Variants in PHF8 observed in about 807,000 individuals in gnomAD.
PHF8 encodes the protein PHD finger protein 8.
Under a neutral mutation model 74.4 loss-of-function variants are expected in PHF8, and 9 were observed. The observed-to-expected ratio is 0.12, with a 90% confidence interval of 0.07 to 0.21. PHF8 has a LOEUF of 0.21. Among genes scored for constraint, PHF8 ranks in the 10% least tolerant of loss-of-function variants. PHF8 has a pLI of 1.00. For synonymous variants in PHF8, 311 were observed against 316.6 expected, an observed-to-expected ratio of 0.98 and a Z score of 0.19; for missense variants, 478 against 816.6, an observed-to-expected ratio of 0.59 and a Z score of 5.05.
At chrX:54,025,070 G>A (rs2066245868) in intron 2 of PHF8, among the ~76,000 whole-genome samples, 2 of 110,027 alleles carry the variant, frequency 1.8e-5, no homozygotes, top group Non-Finnish European at 3.8e-5. Context: ...TAGAGATGGA[G>A]TTTCACCATG....
chrX:53,998,734 C>T (rs1569527792), intron 11 of PHF8, among the ~76,000 whole-genome samples: 1 of 111,695 alleles, frequency 9.0e-6, no homozygotes, highest in Non-Finnish European at 1.9e-5. Context: ...CAAATCAGTA[C>T]ATACAGAGCT....
chrX:54,009,844 G>GAAAAAAAAAAAA (rs782363250), intron 8 of PHF8, among the ~76,000 whole-genome samples: 1 of 9,383 alleles, frequency 1.1e-4, no homozygotes, highest in African/African-American at 1.6e-4. Flanking sequence ...CTCTGTCTCA[G>GAAAAAAAAAAAA]AAAAAAAAAA....
chrX:53,973,872 AG>A (rs2065332218), intron 18 of PHF8, among the ~76,000 whole-genome samples: 1 of 112,055 alleles, frequency 8.9e-6, no homozygotes, highest in Admixed American at 9.5e-5. Flanking sequence ...ACAGAATGGG[AG>A]AAAATTTTTG....
At chrX:54,006,792 G>A (rs1431968304) in intron 8 of PHF8, among the ~76,000 whole-genome samples, 1 of 109,732 alleles carries the variant, frequency 9.1e-6, no homozygotes, top group Non-Finnish European at 1.9e-5. Flanking sequence ...GAAAAAATTA[G>A]CCGGGCATGG....
At chrX:53,939,318 TCAGGCCAC>T in intron 21 of PHF8, 72 bp from the exon 22 acceptor site, 1 of 810,407 alleles carries the variant, frequency 1.2e-6, no homozygotes, top group Non-Finnish European at 1.8e-6. Context: ...CCAACTGCCC[TCAGGCCAC>T]CTCCCCTTCC....
chrX:54,039,536 C>T (rs1557115299), intron 2 of PHF8: 1 of 112,234 alleles, frequency 8.9e-6, no homozygotes, highest in Non-Finnish European at 1.9e-5. Flanking sequence ...GGGGCCTGGC[C>T]CATAAGCCCA....
intron 7 of PHF8, among the ~76,000 whole-genome samples, chrX:54,013,898 C>G (rs1238047245): frequency 1.8e-5 from 2 of 111,646 alleles, no homozygotes; most frequent in Non-Finnish European, 3.8e-5. Flanking sequence ...AGGTAACAAC[C>G]AGGAAAACCT....
chrX:53,988,815 T>A (rs2065611432), intron 14 of PHF8, among the ~76,000 whole-genome samples: 1 of 109,255 alleles, frequency 9.2e-6, no homozygotes, highest in Non-Finnish European at 1.9e-5. Flanking sequence ...TAGACCTATG[T>A]GTTCTCACCA....
chrX:54,038,036 G>A (rs1440258363), intron 2 of PHF8, among the ~76,000 whole-genome samples: 2 of 112,184 alleles, frequency 1.8e-5, no homozygotes, highest in African/African-American at 6.5e-5. Flanking sequence ...TTTATAAACA[G>A]GAAAACTGTA....
chrX:54,027,389 T>C (rs2067912975), intron 2 of PHF8, among the ~76,000 whole-genome samples: 1 of 111,122 alleles, frequency 9.0e-6, no homozygotes, highest in Non-Finnish European at 1.9e-5. Context: ...GGTGCAAAAC[T>C]CAGAGTACAG....
chrX:53,996,817 G>A (rs2065756808), intron 11 of PHF8, among the ~76,000 whole-genome samples: 1 of 112,172 alleles, frequency 8.9e-6, no homozygotes, highest in Admixed American at 9.5e-5. Context: ...AAAGTGCTGG[G>A]ATTACGGGCG....
chrX:54,042,933 T>C, intron 1 of PHF8, 113 bp from the exon 2 acceptor site: 1 of 614,618 alleles, frequency 1.6e-6, no homozygotes, highest in Non-Finnish European at 2.4e-6. Flanking sequence ...ACACAGCTGG[T>C]GCGGCTGTAG....
At chrX:54,009,243 T>C (rs1316210036) in intron 8 of PHF8, among the ~76,000 whole-genome samples, 1 of 111,972 alleles carries the variant, frequency 8.9e-6, no homozygotes, top group East Asian at 2.8e-4. Context: ...TGCACAACCT[T>C]GTAAATATAC....
intron 8 of PHF8, among the ~76,000 whole-genome samples, chrX:54,008,047 C>T (rs1419021280): frequency 8.9e-6 from 1 of 112,142 alleles, no homozygotes; most frequent in African/African-American, 3.2e-5. Flanking sequence ...GTGGCATATC[C>T]ACACCACAGA....
At chrX:54,013,684 G>A (rs1195680714) in intron 7 of PHF8, among the ~76,000 whole-genome samples, 6 of 109,932 alleles carry the variant, frequency 5.5e-5, no homozygotes, top group African/African-American at 2.0e-4. Context: ...TAGGCGTGGT[G>A]GTGGGCGCTT....
At chrX:53,940,813 T>C (rs782429454) in intron 20 of PHF8, among the ~76,000 whole-genome samples, 1 of 112,628 alleles carries the variant, frequency 8.9e-6, no homozygotes, top group Non-Finnish European at 1.9e-5. Context: ...ACTAATGAGG[T>C]AGACCTTGGA....
At chrX:54,036,339 C>G (rs1464316626) in intron 2 of PHF8, among the ~76,000 whole-genome samples, 2 of 109,034 alleles carry the variant, frequency 1.8e-5, no homozygotes, top group Non-Finnish European at 3.8e-5. Flanking sequence ...TATTCTCTGA[C>G]CACTATCAAA....
intron 3 of PHF8, 67 bp from the exon 4 acceptor site, chrX:54,022,434 G>A: frequency 1.4e-6 from 1 of 694,004 alleles, no homozygotes. Context: ...AAGAACAAAG[G>A]CCTCAGCAGA....
chrX:54,010,420 T>C (rs782649830), intron 8 of PHF8, among the ~76,000 whole-genome samples: 21 of 112,269 alleles, frequency 1.9e-4, no homozygotes, highest in Non-Finnish European at 3.4e-4. Context: ...TCGCAACTTA[T>C]TTAATATGAA....
Sources: gnomAD v4.1 joint callset for allele counts (sites outside exome capture counted in the v4.1 genomes callset) on GRCh38, gnomAD v4.1.1 for gene constraint, MANE v1.5 for transcripts, NCBI Gene and HGNC (gene_info 2026-07-23, HGNC 2026-07-21) for gene names.